Variants in BLK observed in about 807,000 individuals in gnomAD.
The protein encoded by BLK is tyrosine-protein kinase Blk.
Under a neutral mutation model 61.8 loss-of-function variants are expected in BLK, and 64 were observed. The ratio of observed to expected loss-of-function variants is 1.03; its 90% confidence interval spans 0.85 to 1.27. The LOEUF is 1.27. Among genes scored for constraint, BLK ranks in the 50% most tolerant of loss-of-function variants. The pLI, the probability that BLK is intolerant of heterozygous loss-of-function variation, is 0.00. For synonymous variants in BLK, 351 were observed against 272.0 expected (o/e 1.29, Z -2.86); for missense variants, 853 against 660.5 (o/e 1.29, Z -3.19).
chr8:11,562,933 G>A, intron 11 of BLK, 46 bp from the exon 12 acceptor site: 2 of 1,612,672 alleles, frequency 1.2e-6, no homozygotes, highest in Non-Finnish European at 1.7e-6. Flanking sequence ...GGAGGGTAGG[G>A]GCCACCGGCC....
At chr8:11,524,485 A>T (rs1309042567) in intron 1 of BLK, among the ~76,000 whole-genome samples, 2 of 152,218 alleles carry the variant, frequency 1.3e-5, no homozygotes, top group Admixed American at 1.3e-4. Context: ...AAGAATAATA[A>T]CCCTTGTTTA....
At position 11,551,550 on chromosome 8, in the gene BLK, G is replaced by A. The variant is rs76989863; in HGVS notation, c.472+1288G>A. Among the ~76,000 whole-genome samples, 166 of 152,306 alleles carry A rather than the reference G, an allele frequency of 1.1e-3. 1 individual carries two copies. The East Asian group carries it at 0.029, about 27-fold the overall frequency. On this transcript the variant is annotated intron_variant, in intron 6 of 12. Coordinates refer to ENST00000259089, the MANE Select transcript of BLK (RefSeq NM_001715.3). ...GGACTTTAACATATGAATTGGGAGC[G>A]CACATGATTCAACCAGTAACAGATT...
In BLK at chr8:11,564,132, G is replaced by C; in HGVS notation, c.*24G>C. 3 of 1,541,594 alleles carry C rather than the reference G, an allele frequency of 1.9e-6. No homozygotes were observed. The highest frequency in any genetic ancestry group is 1.7e-6 in the Non-Finnish European group (2 of 1,148,884). ...AGCCGGCCGCGCCCGCCTGCGCCCCGTGCCCACCTCTGCGCGGACGACCCC... is the reference window on the plus strand; with the variant it reads ...AGCCGGCCGCGCCCGCCTGCGCCCCCTGCCCACCTCTGCGCGGACGACCCC... On this transcript the variant is annotated 3_prime_UTR_variant, in exon 13 of 13. Transcript: ENST00000259089.
chr8:11,543,484 C>A, intron 2 of BLK, 137 bp downstream of exon 2: 2 of 1,267,134 alleles, frequency 1.6e-6, no homozygotes, highest in Non-Finnish European at 1.1e-6. Flanking sequence ...AGCAGGTGTG[C>A]CATGCAATAT....
chr8:11,497,424 A>G (rs4606022), intron 1 of BLK, among the ~76,000 whole-genome samples: 41,332 of 151,870 alleles, frequency 0.27, 6,637 homozygotes, highest in Middle Eastern at 0.38. Context: ...GCAGGTGCGA[A>G]TGTCTCCTCC....
chr8:11,536,871 G>A (rs1472132047), intron 1 of BLK, among the ~76,000 whole-genome samples: 3 of 152,134 alleles, frequency 2.0e-5, no homozygotes, highest in Admixed American at 6.5e-5. Context: ...CCTCTCTTTG[G>A]TACAGAATCA....
At chr8:11,528,747 T>C (rs1799775723) in intron 1 of BLK, among the ~76,000 whole-genome samples, 1 of 152,026 alleles carries the variant, frequency 6.6e-6, no homozygotes, top group Non-Finnish European at 1.5e-5. Context: ...TAGTACAGCA[T>C]TTAAGAAGAA....
intron 1 of BLK, among the ~76,000 whole-genome samples, chr8:11,526,817 C>G (rs942328155): frequency 3.3e-5 from 5 of 152,164 alleles, no homozygotes; most frequent in African/African-American, 1.2e-4. Flanking sequence ...AGTTGAAAAT[C>G]AGGCACTACA....
chr8:11,516,102 T>C (rs1799213236), intron 1 of BLK, among the ~76,000 whole-genome samples: 2 of 152,202 alleles, frequency 1.3e-5, no homozygotes, highest in African/African-American at 4.8e-5. Context: ...GGAAATTCCT[T>C]CACATACTGC....
At chr8:11,540,208 A>G (rs140236510) in intron 1 of BLK, among the ~76,000 whole-genome samples, 5 of 152,140 alleles carry the variant, frequency 3.3e-5, no homozygotes, top group African/African-American at 9.6e-5. Context: ...ATTTTTTAAT[A>G]TCATGTGAGG....
intron 10 of BLK, chr8:11,559,758 C>T (rs942666332): frequency 1.8e-5 from 8 of 456,156 alleles, no homozygotes; most frequent in Non-Finnish European, 3.1e-5. Flanking sequence ...ACCTCCTCTG[C>T]CCAGGAAGCC....
chr8:11,508,413 G>A (rs946360642), intron 1 of BLK, among the ~76,000 whole-genome samples: 11 of 152,190 alleles, frequency 7.2e-5, no homozygotes, highest in African/African-American at 2.7e-4. Flanking sequence ...CTCCGCTAGG[G>A]GGCTCTGGCA....
intron 1 of BLK, among the ~76,000 whole-genome samples, chr8:11,527,869 C>G (rs1224188415): frequency 1.3e-5 from 2 of 151,986 alleles, no homozygotes; most frequent in African/African-American, 4.8e-5. Context: ...ATCTTGTGAC[C>G]TCTGGCCACA....
chr8:11,548,631 C>T (rs1402923743), intron 4 of BLK, among the ~76,000 whole-genome samples: 2 of 152,220 alleles, frequency 1.3e-5, no homozygotes, highest in South Asian at 2.1e-4. Context: ...TGATTTGGTT[C>T]TTGAAGTTCT....
rs182818911 is a variant in BLK, at chr8:11,513,089, T to C, written c.-2+18498T>C. On this transcript the variant is annotated intron_variant, in intron 1 of 12. Coordinates refer to ENST00000259089, the MANE Select transcript of BLK (RefSeq NM_001715.3). The stretch of plus-strand genomic sequence containing the variant: ...GTTCTTTTTTGTCCTTGATAAAATA[T>C]TTACTTTTCTTGTTTTATCCTCCTA... Among the ~76,000 whole-genome samples, 305 of 152,326 alleles carry C rather than the reference T, an allele frequency of 2.0e-3. 1 individual carries two copies. The highest frequency in any genetic ancestry group is 2.5e-3 in the Non-Finnish European group (168 of 68,030).
At chr8:11,523,845 T>C (rs978469422) in intron 1 of BLK, among the ~76,000 whole-genome samples, 4 of 152,104 alleles carry the variant, frequency 2.6e-5, no homozygotes, top group East Asian at 1.9e-4. Flanking sequence ...AGTTGTTTTT[T>C]TTTTTTTTAA....
intron 2 of BLK, among the ~76,000 whole-genome samples, chr8:11,544,060 T>A (rs1800511107): frequency 1.3e-5 from 2 of 151,988 alleles, no homozygotes; most frequent in Admixed American, 1.3e-4. Flanking sequence ...CCTCCTGGAT[T>A]CAAGTGATTC....
chr8:11,504,205 C>G (rs563550045), intron 1 of BLK, among the ~76,000 whole-genome samples: 6 of 151,916 alleles, frequency 3.9e-5, no homozygotes, highest in Non-Finnish European at 5.9e-5. Flanking sequence ...GACTGTAATC[C>G]CAGCTACTCA....
intron 1 of BLK, among the ~76,000 whole-genome samples, chr8:11,521,225 TTATC>T (rs1292230430): frequency 1.3e-5 from 2 of 152,214 alleles, no homozygotes; most frequent in African/African-American, 4.8e-5. Context: ...CATTAAATAA[TTATC>T]TATACCCTAA....
Sources: allele counts gnomAD v4.1 joint callset (sites outside exome capture counted in the v4.1 genomes callset), GRCh38; gene constraint gnomAD v4.1.1; transcripts MANE v1.5; gene names NCBI Gene and HGNC (gene_info 2026-07-23, HGNC 2026-07-21).